DMD: variants seen among roughly 807,000 people sequenced by gnomAD.
DMD encodes the protein mutant dystrophin.
In DMD, 63 loss-of-function variants were observed where a neutral mutation model predicts 330.1. The ratio of observed to expected loss-of-function variants is 0.19; its 90% CI spans 0.16 to 0.24. The LOEUF (loss-of-function observed/expected upper bound fraction) is 0.24, where lower values mean the gene tolerates loss of function less well. Among genes scored for constraint, DMD ranks in the 10% least tolerant of loss-of-function variants. The pLI is 1.00. For missense variants in DMD, 3,344 were observed against 2,684.1 expected, an observed-to-expected ratio of 1.25 and a Z score of -5.43; for synonymous variants, 1,223 against 959.8, an observed-to-expected ratio of 1.27 and a Z score of -5.07.
intron 1 of DMD, among the ~76,000 whole-genome samples, chrX:33,259,736 C>T (rs1039834217): frequency 9.2e-6 from 1 of 109,016 alleles, no homozygotes; most frequent in African/African-American, 3.3e-5. Context: ...CTGGCAACCA[C>T]TGAAACCACT....
intron 7 of DMD, among the ~76,000 whole-genome samples, chrX:32,709,850 A>G (rs2065023279): frequency 8.9e-6 from 1 of 111,735 alleles, no homozygotes; most frequent in African/African-American, 3.3e-5. Flanking sequence ...TATAAAAACC[A>G]CAAAGGCAGG....
At chrX:33,119,210 AATATGTCAT>A (rs1234902461) in intron 1 of DMD, among the ~76,000 whole-genome samples, 1 of 112,564 alleles carries the variant, frequency 8.9e-6, no homozygotes, top group Non-Finnish European at 1.9e-5. Context: ...ATATGTCAAA[AATATGTCAT>A]ATATGTCATA....
At chrX:32,817,769 T>C (rs2077886149) in intron 5 of DMD, among the ~76,000 whole-genome samples, 1 of 112,207 alleles carries the variant, frequency 8.9e-6, no homozygotes, top group Admixed American at 9.5e-5. Flanking sequence ...TAAATGCATA[T>C]TTTAACATCT....
chrX:33,121,721 G>A (rs2095426532), intron 1 of DMD, among the ~76,000 whole-genome samples: 1 of 111,347 alleles, frequency 9.0e-6, no homozygotes, highest in South Asian at 3.7e-4. Flanking sequence ...TATTTTTAGG[G>A]CCCTAGAAAC....
chrX:32,760,711 T>C (rs1350053806), intron 7 of DMD, among the ~76,000 whole-genome samples: 1 of 112,200 alleles, frequency 8.9e-6, no homozygotes, highest in Non-Finnish European at 1.9e-5. Context: ...GGAAACTGAA[T>C]ACTTCATATA....
chrX:31,500,241 T>C (rs1226219543), intron 56 of DMD, among the ~76,000 whole-genome samples: 2 of 112,184 alleles, frequency 1.8e-5, no homozygotes, highest in Non-Finnish European at 3.8e-5. Context: ...ATAAGAAACA[T>C]TTGAGTAGCT....
At chrX:32,731,259 C>T (rs1227794076) in intron 7 of DMD, among the ~76,000 whole-genome samples, 1 of 112,387 alleles carries the variant, frequency 8.9e-6, no homozygotes, top group Non-Finnish European at 1.9e-5. Context: ...TCGGAGGGTC[C>T]TACCCCAACG....
At position 32,444,755 on chromosome X, in the gene DMD, G is replaced by C. The variant is rs568700220; in HGVS notation, c.3787-3441C>G. On this transcript the variant is annotated intron_variant, in intron 27 of 78. Transcript: ENST00000357033. ...ACTTGAGGGGAGTGAGGTGAAGAGA[G>C]TTTGAATAGTTAGGCAATTCTTCTT... is the stretch of plus-strand genomic sequence containing the variant. Among the ~76,000 whole-genome samples, 23 of 110,810 alleles carry C rather than the reference G, an allele frequency of 2.1e-4. No homozygotes were observed. The South Asian group carries it at 8.3e-3, about 40-fold the overall frequency.
At chrX:31,194,184 C>A (rs1186615872) in intron 67 of DMD, among the ~76,000 whole-genome samples, 1 of 110,604 alleles carries the variant, frequency 9.0e-6, no homozygotes, top group Non-Finnish European at 1.9e-5. Flanking sequence ...TGTCCCCCTA[C>A]CAAAAAAGTC....
chrX:32,545,595 A>G (rs1434381447), intron 16 of DMD, among the ~76,000 whole-genome samples: 1 of 111,694 alleles, frequency 9.0e-6, no homozygotes, highest in African/African-American at 3.3e-5. Context: ...ACTGTAGGAA[A>G]TAAGGGGTGG....
At chrX:31,552,825 AGAT>A (rs1245544572) in intron 55 of DMD, among the ~76,000 whole-genome samples, 2 of 111,983 alleles carry the variant, frequency 1.8e-5, no homozygotes, top group East Asian at 5.6e-4. Flanking sequence ...CGCAGAATGG[AGAT>A]GATAATACCA....
At chrX:31,946,841 G>C (rs767406511) in intron 45 of DMD, among the ~76,000 whole-genome samples, 4 of 108,917 alleles carry the variant, frequency 3.7e-5, no homozygotes, top group African/African-American at 1.3e-4. Context: ...TTACCTTCCA[G>C]CTGAATCTAT....
chrX:32,310,276 G>A lies in DMD; in HGVS notation c.5923C>T (p.His1975Tyr), dbSNP rs1159819814. 1 of 1,206,238 alleles carries A rather than the reference G, an allele frequency of 8.3e-7. No homozygotes were observed. The highest frequency in any genetic ancestry group is 1.8e-5 in the South Asian group (1 of 56,740). ...ATCATCGTTTCTTCACGGACAGTGT[G>A]CTGGTATAGATATACAAAAGAACAA... ...QFRRLNFAQI[H>Y]TVREETMMVM... The change falls in exon 42 of 79, where the codon CAC becomes TAC. Residue 1975 changes from histidine (H) to tyrosine (Y), a missense_variant and splice_region_variant. Coordinates refer to ENST00000357033, the MANE Select transcript of DMD (RefSeq NM_004006.3).
At chrX:31,869,404 A>AT (rs34962396) in intron 48 of DMD, among the ~76,000 whole-genome samples, 4,917 of 83,102 alleles carry the variant, frequency 0.059, 280 homozygotes, top group East Asian at 0.34. Flanking sequence ...AAACGACATG[A>AT]TTTTTTTTTT....
At chrX:32,877,552 C>CA (rs762852355) in intron 2 of DMD, among the ~76,000 whole-genome samples, 115 of 111,767 alleles carry the variant, frequency 1.0e-3, no homozygotes, top group African/African-American at 3.5e-3. Flanking sequence ...AGGTTATAGC[C>CA]AAAAAATCGT....
At chrX:31,361,521 G>T (rs888698043) in intron 60 of DMD, among the ~76,000 whole-genome samples, 1 of 111,514 alleles carries the variant, frequency 9.0e-6, no homozygotes, top group Non-Finnish European at 1.9e-5. Flanking sequence ...TGAGACAGCA[G>T]TGAGGCCAGG....
intron 63 of DMD, among the ~76,000 whole-genome samples, chrX:31,258,400 G>A (rs2050181407): frequency 8.9e-6 from 1 of 112,554 alleles, no homozygotes; most frequent in Non-Finnish European, 1.9e-5. Flanking sequence ...TTGGATAAAA[G>A]CCCAACGAAT....
intron 44 of DMD, among the ~76,000 whole-genome samples, chrX:32,072,363 G>A (rs756167750): frequency 9.1e-6 from 1 of 109,626 alleles, no homozygotes; most frequent in East Asian, 2.9e-4. Flanking sequence ...TACTCCTTAG[G>A]AGGAAACTAT....
chrX:31,231,290 A>G (rs894474353), intron 63 of DMD, among the ~76,000 whole-genome samples: 2 of 110,907 alleles, frequency 1.8e-5, no homozygotes, highest in Admixed American at 1.9e-4. Context: ...ATACATTTAA[A>G]ATAGTACAAA....
Sources: gnomAD v4.1 joint callset for allele counts (sites outside exome capture counted in the v4.1 genomes callset) on GRCh38, gnomAD v4.1.1 for gene constraint, MANE v1.5 for transcripts, NCBI Gene and HGNC (gene_info 2026-07-23, HGNC 2026-07-21) for gene names.